Variants in SMG1 observed in about 807,000 individuals in gnomAD.
SMG1 encodes the protein SMG1 nonsense mediated mRNA decay associated PI3K related kinase.
SMG1 carries 22 observed loss-of-function variants against 419.9 expected under a neutral mutation model. The ratio of observed to expected loss-of-function variants is 0.05; its 90% CI spans 0.04 to 0.07. The LOEUF (loss-of-function observed/expected upper bound fraction) is 0.07, where lower values mean the gene tolerates loss of function less well. SMG1 is among the 10% of genes least tolerant of loss of function. The probability of loss-of-function intolerance (pLI) is 1.00; values close to 1 mark genes in which losing one functional copy is unlikely to be tolerated. For synonymous variants in SMG1, 1,538 were observed against 1,553.5 expected, an observed-to-expected ratio of 0.99 and a Z score of 0.23; for missense variants, 3,185 against 4,342.0, an observed-to-expected ratio of 0.73 and a Z score of 7.49.
chr16:18,832,948 A>T lies in SMG1; in HGVS notation c.8784T>A (p.Asp2928Glu). Residue 2928 changes from aspartate (D) to glutamate (E), a missense_variant, in exon 51 of 63, where the codon GAT becomes GAA. By Grantham distance (45) the Asp-to-Glu change is conservative (BLOSUM62 2). Transcript: ENST00000446231. The stretch of plus-strand genomic sequence containing the variant: ...AGCCAGCATTCACTTGCCTGGCAAC[A>T]TCGATGTAATGAGCATGTGTTTCTT... ...LEEETHAHYI[D>E]VARLLHAQYG... 6.2e-7 allele frequency: 1 copy of T among 1,613,788 alleles called. No homozygotes were observed. The highest frequency in any genetic ancestry group is 1.1e-5 in the South Asian group (1 of 91,078).
At chr16:18,881,329 A>G (rs1446626336) in intron 10 of SMG1, among the ~76,000 whole-genome samples, 1 of 151,972 alleles carries the variant, frequency 6.6e-6, no homozygotes, top group Non-Finnish European at 1.5e-5. Context: ...AAAGATATTA[A>G]ACCATTTTGA....
At chr16:18,841,416 A>T (rs1254955070) in intron 41 of SMG1, 149 bp downstream of exon 41, 3 of 650,358 alleles carry the variant, frequency 4.6e-6, no homozygotes, top group Non-Finnish European at 7.7e-6. Context: ...AAAAAAAAAA[A>T]AAGTACCTCA....
rs148412501 is a variant in SMG1, at chr16:18,844,570, T to TCTCTCACACACACACACACA, written c.6219+858_6219+859insTGTGTGTGTGTGTGTGAGAG. Among the ~76,000 whole-genome samples, 22 of 88,544 alleles carry TCTCTCACACACACACACACA rather than the reference T, an allele frequency of 2.5e-4. 6 individuals are homozygous for TCTCTCACACACACACACACA. The highest frequency in any genetic ancestry group is 1.3e-3 in the African/African-American group (22 of 17,460). 58.1% of individuals were successfully genotyped at this position (88,544 alleles called of 152,430 possible). A position where few individuals can be genotyped will look rare whatever the true frequency, so the allele number is the denominator to read the frequency against. On this transcript the variant is annotated intron_variant, in intron 39 of 62. Coordinates refer to ENST00000446231, the MANE Select transcript of SMG1 (RefSeq NM_015092.5). ...ACACATAATAAACTTCATCCTTCTCTCACACACACACACGGAAACTCGAGT... is the reference window on the plus strand; with the variant it reads ...ACACATAATAAACTTCATCCTTCTCTCTCTCACACACACACACACACACACACACACACGGAAACTCGAGT...
intron 39 of SMG1, among the ~76,000 whole-genome samples, chr16:18,845,207 AT>A (rs1179269277): frequency 6.6e-6 from 1 of 152,190 alleles, no homozygotes; most frequent in Admixed American, 6.5e-5. Flanking sequence ...TACATGAAAG[AT>A]TGGGCACCTT....
At chr16:18,919,774 C>T (rs2038123385) in intron 1 of SMG1, among the ~76,000 whole-genome samples, 4 of 151,014 alleles carry the variant, frequency 2.6e-5, no homozygotes, top group Admixed American at 2.0e-4. Context: ...ACAAACCTTC[C>T]ATTATACTAA....
At chr16:18,900,017 C>T (rs1216758791) in intron 1 of SMG1, 1 of 1,530,700 alleles carries the variant, frequency 6.5e-7, no homozygotes, top group East Asian at 2.4e-5. Flanking sequence ...TAATATGGAG[C>T]CTTTGTGATG....
chr16:18,908,584 A>G (rs550300576), intron 1 of SMG1, among the ~76,000 whole-genome samples: 2 of 152,188 alleles, frequency 1.3e-5, no homozygotes, highest in South Asian at 2.1e-4. Context: ...GTTTACCAAT[A>G]TAAGAAATGA....
At chr16:18,889,977 T>C (rs1433677825) in intron 5 of SMG1, among the ~76,000 whole-genome samples, 2 of 152,172 alleles carry the variant, frequency 1.3e-5, no homozygotes, top group South Asian at 2.1e-4. Context: ...AAAATGGTAA[T>C]AGTTAAATAC....
chr16:18,849,987 T>G lies in SMG1; in HGVS notation c.5423A>C (p.Glu1808Ala). The stretch of plus-strand genomic sequence containing the variant: ...AGTGGGTGTTGTCTCCAAGCCGTGC[T>G]CCAGATACTGCCGAAGCTCACCAGC... Reference protein sequence around the residue: ...KHAGELRQYLEHGLETTPTAP... With the variant: ...KHAGELRQYLAHGLETTPTAP... Residue 1808 changes from glutamate (E) to alanine (A), a missense_variant, in exon 35 of 63, where the codon GAG becomes GCG. Transcript: ENST00000446231. The G allele has an allele frequency of 6.2e-7, 1 of 1,613,978 alleles. No individual in the cohort carries two copies. Among genetic ancestry groups the G allele is most frequent in the Non-Finnish European group, 8.5e-7 (1 of 1,179,892 alleles).
intron 42 of SMG1, among the ~76,000 whole-genome samples, 166 bp from the exon 43 acceptor site, chr16:18,838,855 C>T (rs1181794297): frequency 2.0e-5 from 3 of 152,160 alleles, no homozygotes; most frequent in Non-Finnish European, 2.9e-5. Flanking sequence ...TGTGGTTATG[C>T]AGGCATACAA....
At position 18,807,187 on chromosome 16, in the gene SMG1, A is replaced by T. The variant is rs771979039; in HGVS notation, c.*2382T>A. 8.5e-5 allele frequency: 13 copies of T among 152,236 alleles called. No individual in the cohort carries two copies. The highest frequency in any genetic ancestry group is 1.6e-4 in the Non-Finnish European group (11 of 68,042). The allele number at this position is 152,236 out of a possible 1,614,324, so 9.4% of individuals were successfully genotyped here. ...CACAGGCAATAAAATTCACCTATTTATCTTCTTTACCAAAGAGAAAGCAAT... is the reference window on the plus strand; with the variant it reads ...CACAGGCAATAAAATTCACCTATTTTTCTTCTTTACCAAAGAGAAAGCAAT... On this transcript the variant is annotated 3_prime_UTR_variant, in exon 63 of 63. Coordinates refer to ENST00000446231, the MANE Select transcript of SMG1 (RefSeq NM_015092.5).
chr16:18,862,082 C>T (rs894360982), intron 25 of SMG1, among the ~76,000 whole-genome samples: 1 of 152,138 alleles, frequency 6.6e-6, no homozygotes, highest in Non-Finnish European at 1.5e-5. Flanking sequence ...AACTCACTGA[C>T]CAAATAACTT....
At chr16:18,916,622 C>T (rs1296179198) in intron 1 of SMG1, among the ~76,000 whole-genome samples, 1 of 147,464 alleles carries the variant, frequency 6.8e-6, no homozygotes, top group South Asian at 2.1e-4. Flanking sequence ...AAAACACACA[C>T]AAAAAAAAAC....
intron 41 of SMG1, 27 bp from the exon 42 acceptor site, chr16:18,839,973 A>G: frequency 6.7e-7 from 1 of 1,503,068 alleles, no homozygotes; most frequent in South Asian, 1.3e-5. Flanking sequence ...TTTTTTAAAA[A>G]AGAAAAGATC....
intron 1 of SMG1, chr16:18,911,399 TCA>T (rs2037786706): frequency 6.6e-6 from 1 of 151,966 alleles, no homozygotes; most frequent in South Asian, 2.1e-4. Flanking sequence ...TCCTATCTAC[TCA>T]GGAGGCTGAG....
At chr16:18,832,582 G>GCA (rs3222694) in intron 51 of SMG1, among the ~76,000 whole-genome samples, 16,262 of 148,220 alleles carry the variant, frequency 0.11, 973 homozygotes, top group African/African-American at 0.17. Flanking sequence ...CTATACACTT[G>GCA]CACACACACA....
At chr16:18,900,013 G>A in intron 1 of SMG1, 1 of 1,530,514 alleles carries the variant, frequency 6.5e-7, no homozygotes, top group Non-Finnish European at 8.7e-7. Context: ...TGTATAATAT[G>A]GAGCCTTTGT....
chr16:18,892,321 A>C lies in SMG1; in HGVS notation c.446T>G (p.Leu149Arg). 1 of 1,549,846 alleles carries C rather than the reference A, an allele frequency of 6.5e-7. No homozygotes were observed. Residue 149 changes from leucine to arginine, a missense_variant, in exon 4 of 63, where the codon CTG becomes CGG. Physicochemically the swap from Leu to Arg is moderately radical, Grantham distance 102 (BLOSUM62 -2). Coordinates refer to ENST00000446231, the MANE Select transcript of SMG1 (RefSeq NM_015092.5). The stretch of plus-strand genomic sequence containing the variant: ...GGTGATCCTCCGAAGAAGATTCGAC[A>C]GTCGAGACTCATCAGAATAAGACAT... ...RSMSYSDESR[L>R]SNLLRRITRE... is the part of the protein sequence containing the mutation.
chr16:18,919,635 T>C lies in SMG1; in HGVS notation c.92+6315A>G, dbSNP rs1360020019. 3.1e-4 allele frequency among the ~76,000 whole-genome samples: 14 copies of C among 44,896 alleles called. 1 individual carries two copies. In the East Asian group the frequency reaches 5.7e-3, roughly 18 times the overall value. 29.5% of individuals were successfully genotyped at this position (44,896 alleles called of 152,430 possible). ...CAACACTCCGTCTCAAAAAAAAAAA[T>C]GTGTGTGTGTGTGTGTATATATACA... On this transcript the variant is annotated intron_variant, in intron 1 of 62. Coordinates refer to ENST00000446231, the MANE Select transcript of SMG1 (RefSeq NM_015092.5).
Sources: allele counts gnomAD v4.1 joint callset (sites outside exome capture counted in the v4.1 genomes callset), GRCh38; gene constraint gnomAD v4.1.1; transcripts MANE v1.5; gene names NCBI Gene and HGNC (gene_info 2026-07-23, HGNC 2026-07-21).